Variants in PARD3B observed in about 807,000 individuals in gnomAD.
The protein encoded by PARD3B is par-3 family cell polarity regulator beta.
Under a neutral mutation model 130.2 loss-of-function variants are expected in PARD3B, and 103 were observed. That is an observed-to-expected ratio of 0.79 (90% confidence interval 0.67 to 0.93). The LOEUF is 0.93. Ranked by LOEUF, PARD3B falls within the 40% of genes least tolerant of loss-of-function variation. The probability of loss-of-function intolerance (pLI) is 0.00; values close to 1 mark genes in which losing one functional copy is unlikely to be tolerated. For missense variants in PARD3B, 1,609 were observed against 1,499.2 expected, an observed-to-expected ratio of 1.07 and a Z score of -1.21; for synonymous variants, 583 against 553.2, an observed-to-expected ratio of 1.05 and a Z score of -0.76.
rs1036583652 is a variant in PARD3B at position 205,405,024 on chromosome 2, A to G, written c.2741+3901A>G. On this transcript the variant is annotated intron_variant, in intron 19 of 22. Transcript: ENST00000406610. This position sits in a 1 kb window ranked among gnomAD's most constrained non-coding sequence, Gnocchi z 4.1. The stretch of plus-strand genomic sequence containing the variant: ...CTAATTTTTTTGTGCTGATTTTCAT[A>G]TCTCATTTTAAGTTATCTACATATC... Among the ~76,000 whole-genome samples the G allele has an allele frequency of 2.0e-5, 3 of 152,180 alleles. No homozygotes were observed. Among genetic ancestry groups the G allele is most frequent in the East Asian group, 3.9e-4 (2 of 5,176 alleles).
intron 1 of PARD3B, among the ~76,000 whole-genome samples, chr2:204,652,729 A>G (rs2035520335): frequency 6.6e-6 from 1 of 151,724 alleles, no homozygotes; most frequent in African/African-American, 2.4e-5. Context: ...GAGACTGGGT[A>G]ATTTATGAGC....
chr2:205,607,864 A>C (rs1423158672), intron 22 of PARD3B, among the ~76,000 whole-genome samples: 2 of 151,614 alleles, frequency 1.3e-5, no homozygotes, highest in East Asian at 3.9e-4. Flanking sequence ...ACACACACAC[A>C]CACACACACA....
chr2:205,607,552 G>T (rs755264598), intron 22 of PARD3B, among the ~76,000 whole-genome samples: 1 of 152,260 alleles, frequency 6.6e-6, no homozygotes, highest in Non-Finnish European at 1.5e-5. Context: ...TGGTAACATT[G>T]TTATGAGGAA....
chr2:204,557,097 G>A (rs80034329), intron 1 of PARD3B, among the ~76,000 whole-genome samples: 5,284 of 151,202 alleles, frequency 0.035, 314 homozygotes, highest in African/African-American at 0.12. Context: ...TGCCCTCTCT[G>A]CCATCTTCTT....
chr2:204,827,223 T>C (rs1265608611), intron 2 of PARD3B, among the ~76,000 whole-genome samples: 1 of 152,218 alleles, frequency 6.6e-6, no homozygotes, highest in Non-Finnish European at 1.5e-5. Context: ...ATTGAACCAG[T>C]GTTAGCAATC....
chr2:204,860,111 A>T (rs980292472), intron 2 of PARD3B, among the ~76,000 whole-genome samples: 1 of 152,194 alleles, frequency 6.6e-6, no homozygotes, highest in African/African-American at 2.4e-5. Flanking sequence ...AATTTATTGT[A>T]ATTAAGAATA....
At chr2:205,546,156 GTC>G (rs2052370308) in intron 21 of PARD3B, among the ~76,000 whole-genome samples, 1 of 152,188 alleles carries the variant, frequency 6.6e-6, no homozygotes, top group Non-Finnish European at 1.5e-5. Flanking sequence ...TGATAGGCTT[GTC>G]ACAGGCTGTC....
At chr2:205,600,680 G>C (rs1182320614) in intron 22 of PARD3B, among the ~76,000 whole-genome samples, 3 of 152,160 alleles carry the variant, frequency 2.0e-5, no homozygotes, top group Non-Finnish European at 4.4e-5. Flanking sequence ...ACAGGTCCCA[G>C]TGTGTGTTGT....
intron 19 of PARD3B, among the ~76,000 whole-genome samples, chr2:205,431,643 G>A (rs1452431004): frequency 1.3e-5 from 2 of 151,684 alleles, no homozygotes; most frequent in African/African-American, 4.8e-5. Flanking sequence ...CTAATTTTTT[G>A]TATTTTTAGT....
intron 1 of PARD3B, among the ~76,000 whole-genome samples, chr2:204,589,715 A>T (rs1262707493): frequency 1.3e-5 from 2 of 152,234 alleles, no homozygotes; most frequent in Non-Finnish European, 2.9e-5. Context: ...AGAGGTTTTG[A>T]ATCTAAGATA....
At chr2:204,682,768 C>T (rs1034330174) in intron 1 of PARD3B, among the ~76,000 whole-genome samples, 2 of 152,164 alleles carry the variant, frequency 1.3e-5, no homozygotes, top group Middle Eastern at 3.2e-3. Context: ...TTTTCCCTTT[C>T]TTGTGTTTAT....
chr2:205,244,704 C>T lies in PARD3B; in HGVS notation c.2141-1074C>T, dbSNP rs1045474013. ...TTTTTTTCAAAAAACTACTATAGGG[C>T]GACCCATGTTATCTAATTCTTCCTA... is the stretch of plus-strand genomic sequence containing the variant. On this transcript the variant is annotated intron_variant, in intron 15 of 22. Coordinates refer to ENST00000406610, the MANE Select transcript of PARD3B (RefSeq NM_001302769.2). This position sits in a 1 kb window ranked among gnomAD's most constrained non-coding sequence, Gnocchi z 4.7. Among the ~76,000 whole-genome samples the T allele has an allele frequency of 2.0e-5, 3 of 151,824 alleles. No individual in the cohort carries two copies. The highest frequency in any genetic ancestry group is 6.6e-5 in the Admixed American group (1 of 15,254).
intron 4 of PARD3B, among the ~76,000 whole-genome samples, chr2:205,100,228 G>T (rs1702672356): frequency 6.6e-6 from 1 of 152,094 alleles, no homozygotes. Context: ...TTAGAGTATG[G>T]TGCAGAGGCA....
rs62173483 is a variant in PARD3B, at chr2:204,945,394, C to T, written c.223-19758C>T. ...GCTGGGCCCTTCAGACCAGCTAGCT[C>T]GGGTAGTTTTATTGCTATGCAGAAC... On this transcript the variant is annotated intron_variant, in intron 2 of 22. Coordinates refer to ENST00000406610, the MANE Select transcript of PARD3B (RefSeq NM_001302769.2). Among the ~76,000 whole-genome samples, 382 of 152,216 alleles carry T rather than the reference C, an allele frequency of 2.5e-3. 1 individual carries two copies. Among genetic ancestry groups the T allele is most frequent in the Non-Finnish European group, 3.3e-3 (225 of 68,010 alleles).
chr2:204,914,136 G>A (rs1479728469), intron 2 of PARD3B, among the ~76,000 whole-genome samples: 1 of 152,174 alleles, frequency 6.6e-6, no homozygotes, highest in Non-Finnish European at 1.5e-5. Flanking sequence ...TTTGCAGAGG[G>A]GAGGAGCCGG....
chr2:205,165,706 G>A (rs891450182), intron 11 of PARD3B, among the ~76,000 whole-genome samples: 2 of 150,436 alleles, frequency 1.3e-5, no homozygotes, highest in Non-Finnish European at 2.9e-5. Context: ...CAACAAGAGG[G>A]AGAGACTCTG....
chr2:205,356,139 G>A (rs1025636284), intron 18 of PARD3B, among the ~76,000 whole-genome samples: 5 of 152,146 alleles, frequency 3.3e-5, no homozygotes, highest in Non-Finnish European at 5.9e-5. Context: ...CTTGCCTAAT[G>A]TCTAAAAATT....
intron 10 of PARD3B, among the ~76,000 whole-genome samples, chr2:205,135,841 A>G (rs1441448633): frequency 6.6e-6 from 1 of 152,186 alleles, no homozygotes; most frequent in Non-Finnish European, 1.5e-5. Flanking sequence ...AATTATTTAA[A>G]TTAAGATGTT....
At position 205,291,114 on chromosome 2, in the gene PARD3B, G is replaced by A. The variant is rs559811613; in HGVS notation, c.2186-9416G>A. Among the ~76,000 whole-genome samples, 2 of 152,276 alleles carry A rather than the reference G, an allele frequency of 1.3e-5. No homozygotes were observed. Among genetic ancestry groups the A allele is most frequent in the East Asian group, 3.9e-4 (2 of 5,178 alleles). ...TACCTAAAAATATGGAAACAGCTTT[G>A]AAACTGGGTAATGGGTGGAGGCTGA... On this transcript the variant is annotated intron_variant, in intron 16 of 22. Transcript: ENST00000406610. This position sits in a 1 kb window ranked among gnomAD's most constrained non-coding sequence, Gnocchi z 4.6.
Sources: gnomAD v4.1 joint callset for allele counts (sites outside exome capture counted in the v4.1 genomes callset) on GRCh38, gnomAD v4.1.1 for gene constraint, Gnocchi (gnomAD v3.1) non-coding constraint, MANE v1.5 for transcripts, NCBI Gene and HGNC (gene_info 2026-07-23, HGNC 2026-07-21) for gene names.